Variants in ADD2 observed in about 807,000 individuals in gnomAD.
ADD2 encodes beta-adducin.
Under a neutral mutation model 83.0 loss-of-function variants are expected in ADD2, and 23 were observed. The ratio of observed to expected loss-of-function variants is 0.28; its 90% CI spans 0.20 to 0.39. ADD2 has a LOEUF of 0.39. Among genes scored for constraint, ADD2 ranks in the 10% least tolerant of loss-of-function variants. The probability of loss-of-function intolerance (pLI) is 1.00; values close to 1 mark genes in which losing one functional copy is unlikely to be tolerated. For synonymous variants in ADD2, 375 were observed against 375.4 expected, an observed-to-expected ratio of 1.00 and a Z score of 0.01; for missense variants, 758 against 944.9, an observed-to-expected ratio of 0.80 and a Z score of 2.59.
At chr2:70,665,432 C>T (rs1211558196) in intron 15 of ADD2, among the ~76,000 whole-genome samples, 1 of 152,182 alleles carries the variant, frequency 6.6e-6, no homozygotes, top group Non-Finnish European at 1.5e-5. Context: ...GTCCTGTCAT[C>T]CTCATCCAGT....
intron 8 of ADD2, 135 bp downstream of exon 8, chr2:70,690,651 G>T: frequency 9.9e-7 from 1 of 1,011,166 alleles, no homozygotes; most frequent in Non-Finnish European, 1.4e-6. Context: ...AAATCTCAGG[G>T]TAGTGGGATA....
In ADD2 at chr2:70,658,507, A is replaced by G. The variant is rs1313651907; in HGVS notation, c.*4918T>C. 1.3e-5 allele frequency: 2 copies of G among 152,190 alleles called. No homozygotes were observed. The highest frequency in any genetic ancestry group is 2.9e-5 in the Non-Finnish European group (2 of 68,044). 9.4% of individuals were successfully genotyped at this position (152,190 alleles called of 1,614,324 possible). A position where few individuals can be genotyped will look rare whatever the true frequency, so the allele number is the denominator to read the frequency against. On this transcript the variant is annotated 3_prime_UTR_variant, in exon 16 of 16. Transcript: ENST00000264436. The stretch of plus-strand genomic sequence containing the variant: ...TCTTGCATTAAACTATCCCTTTCAG[A>G]ACAGATGTGAAACAGATGATAGGCT...
chr2:70,717,360 T>C (rs3755366), intron 1 of ADD2, among the ~76,000 whole-genome samples: 46,933 of 152,058 alleles, frequency 0.31, 7,918 homozygotes, highest in African/African-American at 0.46. Context: ...AGGGGAGTAA[T>C]AGATGCCCGA....
Position 70,714,622 on chromosome 2 carries a change from CCTT to C in ADD2, c.-153-1441_-153-1439del, listed in dbSNP as rs544458579. Among the ~76,000 whole-genome samples the C allele has an allele frequency of 5.8e-4, 88 of 152,310 alleles. 2 individuals carry two copies. In the South Asian group the frequency reaches 0.018, roughly 32 times the overall value. Reference sequence around the variant, plus strand: ...CTGCACATCCAGTGCCGGCTGAGCTCCTTCTCCCAGAGGTTCTATTTTTAGCTA... The same window carrying C: ...CTGCACATCCAGTGCCGGCTGAGCTCCTCCCAGAGGTTCTATTTTTAGCTA... On this transcript the variant is annotated intron_variant, in intron 1 of 15. Transcript: ENST00000264436.
rs984962594 is a variant in ADD2 at position 70,661,058 on chromosome 2, T to C, written c.*2367A>G. On this transcript the variant is annotated 3_prime_UTR_variant, in exon 16 of 16. Transcript: ENST00000264436. ...CATCTATCAATAGAAAGTGGGCCCA[T>C]GGCATAAATTCCCAGAATAATGCTG... The C allele has an allele frequency of 2.0e-5, 3 of 152,176 alleles. No individual in the cohort carries two copies. The highest frequency in any genetic ancestry group is 6.5e-5 in the Admixed American group (1 of 15,274). 9.4% of individuals were successfully genotyped at this position (152,176 alleles called of 1,614,324 possible). A position where few individuals can be genotyped will look rare whatever the true frequency, so the allele number is the denominator to read the frequency against.
chr2:70,723,542 C>G (rs782159205), intron 1 of ADD2, among the ~76,000 whole-genome samples: 2 of 152,172 alleles, frequency 1.3e-5, no homozygotes, highest in Non-Finnish European at 2.9e-5. Context: ...TGCTCAATTT[C>G]TGCACTACAA....
At chr2:70,677,650 TGA>T in intron 12 of ADD2, 106 bp downstream of exon 12, 1 of 1,401,486 alleles carries the variant, frequency 7.1e-7, no homozygotes, top group Non-Finnish European at 9.9e-7. Context: ...GTGAGGCATG[TGA>T]GATGTCAGCG....
intron 1 of ADD2, among the ~76,000 whole-genome samples, chr2:70,735,858 CTTTTTTTTT>C (rs374727628): frequency 1.4e-5 from 1 of 72,508 alleles, no homozygotes; most frequent in African/African-American, 6.9e-5. Flanking sequence ...CCATGCCCGG[CTTTTTTTTT>C]TTTTTTTTTT....
At position 70,767,937 on chromosome 2, in the gene ADD2, G is replaced by T. The variant is rs1284049084; in HGVS notation, c.-205C>A. The stretch of plus-strand genomic sequence containing the variant: ...CGGTCGGCCACTGCGGGTTGGTTTT[G>T]TTATTTTATGGGTTTGGGGGGTGGG... On this transcript the variant is annotated 5_prime_UTR_variant, in exon 1 of 16. Transcript: ENST00000264436. 1 of 1,535,948 alleles carries T rather than the reference G, an allele frequency of 6.5e-7. No homozygotes were observed. Among genetic ancestry groups the T allele is most frequent in the East Asian group, 2.4e-5 (1 of 40,880 alleles).
intron 4 of ADD2, 36 bp downstream of exon 4, chr2:70,704,281 CTCCA>C (rs1553373955): frequency 3.2e-6 from 5 of 1,546,772 alleles, no homozygotes; most frequent in East Asian, 2.4e-5. Context: ...CCACCCTCCC[CTCCA>C]CCTCTGCTCC....
intron 1 of ADD2, among the ~76,000 whole-genome samples, chr2:70,743,084 G>C (rs1674004921): frequency 6.6e-6 from 1 of 152,176 alleles, no homozygotes; most frequent in Admixed American, 6.5e-5. Context: ...TAATGAATTA[G>C]CTAAGGAGGT....
intron 1 of ADD2, 168 bp downstream of exon 1, chr2:70,767,718 G>C: frequency 2.1e-6 from 3 of 1,429,056 alleles, no homozygotes; most frequent in Non-Finnish European, 2.7e-6. Flanking sequence ...AAACCTTTAG[G>C]CGCAAAACAC....
chr2:70,728,860 C>CTG (rs1553378802), intron 1 of ADD2, among the ~76,000 whole-genome samples: 14 of 152,234 alleles, frequency 9.2e-5, no homozygotes, highest in Non-Finnish European at 1.9e-4. Flanking sequence ...ATAGGCAAGT[C>CTG]CAGTGCAGAA....
intron 1 of ADD2, among the ~76,000 whole-genome samples, chr2:70,726,143 C>T (rs1041395218): frequency 1.7e-4 from 24 of 139,122 alleles, no homozygotes; most frequent in South Asian, 1.7e-3. Flanking sequence ...GCCAAGATCC[C>T]GCCACGGCAC....
At chr2:70,738,254 T>A (rs1465097284) in intron 1 of ADD2, among the ~76,000 whole-genome samples, 1 of 152,188 alleles carries the variant, frequency 6.6e-6, no homozygotes, top group Non-Finnish European at 1.5e-5. Context: ...CAACCTCACC[T>A]AACTTTTCAC....
At chr2:70,733,247 GGCTC>G (rs1673370035) in intron 1 of ADD2, among the ~76,000 whole-genome samples, 1 of 152,174 alleles carries the variant, frequency 6.6e-6, no homozygotes, top group Admixed American at 6.5e-5. Context: ...AATCACTGCT[GGCTC>G]GTCTTCTCCC....
intron 1 of ADD2, among the ~76,000 whole-genome samples, chr2:70,732,228 C>T (rs983949413): frequency 3.3e-5 from 5 of 152,116 alleles, no homozygotes; most frequent in South Asian, 4.1e-4. Flanking sequence ...TAGGTCTTCA[C>T]AGTTTGCAGA....
chr2:70,669,184 G>C (rs1443247505), intron 15 of ADD2, among the ~76,000 whole-genome samples: 2 of 152,194 alleles, frequency 1.3e-5, no homozygotes, highest in African/African-American at 4.8e-5. Flanking sequence ...CCATTGAGCT[G>C]GATGCTGGCC....
rs781893870 is a variant in ADD2 at position 70,692,447 on chromosome 2, C to T, written c.661G>A (p.Asp221Asn). ...TGCAGGTGGATGATGCAGCGCACGTCGGGCCTCGCTGCATAGATGGCCGAG... is the reference window on the plus strand; with the variant it reads ...TGCAGGTGGATGATGCAGCGCACGTTGGGCCTCGCTGCATAGATGGCCGAG... ...LHSAIYAARPDVRCIIHLHTP... is the reference protein window; with the variant it reads ...LHSAIYAARPNVRCIIHLHTP... The change falls in exon 7 of 16, where the codon GAC becomes AAC. Residue 221 changes from aspartate (D) to asparagine (N), a missense_variant. Asp to Asn is a conservative substitution (Grantham distance 23). Coordinates refer to ENST00000264436, the MANE Select transcript of ADD2 (RefSeq NM_001617.4). The T allele has an allele frequency of 7.5e-6, 12 of 1,609,816 alleles. No individual in the cohort carries two copies. The highest frequency in any genetic ancestry group is 1.7e-4 in the Middle Eastern group (1 of 6,056).
Sources: allele counts gnomAD v4.1 joint callset (sites outside exome capture counted in the v4.1 genomes callset), GRCh38; gene constraint gnomAD v4.1.1; transcripts MANE v1.5; gene names NCBI Gene and HGNC (gene_info 2026-07-23, HGNC 2026-07-21).